Variants in NRCAM observed in about 807,000 individuals in gnomAD.
NRCAM encodes the protein NgCAM-related cell adhesion molecule.
NRCAM carries 83 observed loss-of-function variants against 156.5 expected under a neutral mutation model. That is an observed-to-expected ratio of 0.53 (90% confidence interval 0.44 to 0.64). NRCAM has a LOEUF of 0.64. NRCAM is among the 30% of genes least tolerant of loss of function. The pLI is 0.00. For missense variants in NRCAM, 1,417 were observed against 1,597.3 expected (o/e 0.89, Z 1.92); for synonymous variants, 538 against 563.9 (o/e 0.95, Z 0.65).
intron 10 of NRCAM, among the ~76,000 whole-genome samples, chr7:108,224,242 G>A (rs1279433678): frequency 3.3e-5 from 5 of 152,128 alleles, no homozygotes; most frequent in Non-Finnish European, 1.5e-5. Flanking sequence ...TCTTCTGGAA[G>A]ATGTTAGATT....
chr7:108,188,257 A>G (rs936611895), intron 20 of NRCAM, among the ~76,000 whole-genome samples: 1 of 152,048 alleles, frequency 6.6e-6, no homozygotes, highest in Non-Finnish European at 1.5e-5. Context: ...TCACTGGAGC[A>G]CCCCAAGGAG....
chr7:108,171,033 A>G (rs2058161633), intron 28 of NRCAM, among the ~76,000 whole-genome samples: 1 of 152,162 alleles, frequency 6.6e-6, no homozygotes, highest in Non-Finnish European at 1.5e-5. Flanking sequence ...AGATACCACA[A>G]TTTCCTAAGG....
chr7:108,180,462 A>C (rs759913930), intron 24 of NRCAM, 35 bp from the exon 25 acceptor site: 11 of 1,548,132 alleles, frequency 7.1e-6, no homozygotes, highest in African/African-American at 1.4e-5. Flanking sequence ...GGAATGCAGA[A>C]AGGAGCAAAC....
intron 1 of NRCAM, among the ~76,000 whole-genome samples, chr7:108,415,801 G>C (rs1041804029): frequency 9.2e-5 from 14 of 152,218 alleles, no homozygotes; most frequent in African/African-American, 3.4e-4. Flanking sequence ...ACAGTCACTA[G>C]AACACAGGAG....
chr7:108,255,745 C>T (rs1350588778), intron 3 of NRCAM, among the ~76,000 whole-genome samples: 6 of 151,962 alleles, frequency 3.9e-5, no homozygotes, highest in Admixed American at 1.3e-4. Flanking sequence ...GCCACGACCC[C>T]GTCTGGGATC....
chr7:108,272,571 G>GGTCTATATATATACTAGACCCACT (rs1255870418), intron 3 of NRCAM, among the ~76,000 whole-genome samples: 1 of 151,712 alleles, frequency 6.6e-6, no homozygotes, highest in African/African-American at 2.4e-5. Flanking sequence ...ACCCCACTGG[G>GGTCTATATATATACTAGACCCACT]GGTGTTATAA....
chr7:108,297,810 T>C (rs951969579), intron 3 of NRCAM, among the ~76,000 whole-genome samples: 1 of 152,244 alleles, frequency 6.6e-6, no homozygotes, highest in African/African-American at 2.4e-5. Flanking sequence ...TATGTGTGTG[T>C]ATATGCACAT....
intron 3 of NRCAM, among the ~76,000 whole-genome samples, chr7:108,275,655 T>C (rs1431155816): frequency 2.0e-5 from 3 of 152,202 alleles, no homozygotes; most frequent in Admixed American, 2.0e-4. Flanking sequence ...AGGCGGTCTC[T>C]CAATTTTGTT....
chr7:108,202,966 G>A lies in NRCAM; in HGVS notation c.1207+4562C>T, dbSNP rs550097330. Among the ~76,000 whole-genome samples the A allele has an allele frequency of 3.9e-5, 6 of 152,290 alleles. No homozygotes were observed. In the South Asian group the frequency reaches 1.2e-3, roughly 32 times the overall value. ...TGCAAGTGTTAGACTCTCCTGCAGAGATAGGAATCACAGTGGCCACAGCCT... is the reference window on the plus strand; with the variant it reads ...TGCAAGTGTTAGACTCTCCTGCAGAAATAGGAATCACAGTGGCCACAGCCT... On this transcript the variant is annotated intron_variant, in intron 13 of 32. Coordinates refer to ENST00000379028, the MANE Select transcript of NRCAM (RefSeq NM_001037132.4).
chr7:108,308,913 A>T (rs2098758230), intron 3 of NRCAM, among the ~76,000 whole-genome samples: 1 of 152,240 alleles, frequency 6.6e-6, no homozygotes, highest in Non-Finnish European at 1.5e-5. Flanking sequence ...AATAAAACTC[A>T]GAGATAAATA....
In NRCAM at chr7:108,147,744, C is replaced by A. The variant is rs1003156345; in HGVS notation, c.*2166G>T. ...ACACCATTACTTGGACATTCACACT[C>A]AATTGGGAACATAAATTACAAAAGA... On this transcript the variant is annotated 3_prime_UTR_variant, in exon 33 of 33. Transcript: ENST00000379028. 3.3e-5 allele frequency: 5 copies of A among 152,484 alleles called. No individual in the cohort carries two copies. Among genetic ancestry groups the A allele is most frequent in the Admixed American group, 6.5e-5 (1 of 15,282 alleles). 9.4% of individuals were successfully genotyped at this position (152,484 alleles called of 1,614,324 possible).
At chr7:108,190,592 T>C (rs545331115) in intron 19 of NRCAM, among the ~76,000 whole-genome samples, 2 of 152,262 alleles carry the variant, frequency 1.3e-5, no homozygotes, top group South Asian at 2.1e-4. Flanking sequence ...ATGCCAAAAA[T>C]TGATTTTTGT....
intron 1 of NRCAM, among the ~76,000 whole-genome samples, chr7:108,407,784 T>C (rs536229765): frequency 3.3e-5 from 5 of 152,340 alleles, no homozygotes; most frequent in African/African-American, 1.2e-4. Context: ...CTTGATTGTG[T>C]TGATGGTTTC....
chr7:108,355,074 A>G (rs1432009691), intron 2 of NRCAM, among the ~76,000 whole-genome samples: 2 of 152,236 alleles, frequency 1.3e-5, no homozygotes, highest in East Asian at 3.8e-4. Flanking sequence ...CCTTGATAAG[A>G]ATTGAAGCCT....
intron 1 of NRCAM, among the ~76,000 whole-genome samples, chr7:108,403,095 T>C (rs1596569198): frequency 6.6e-6 from 1 of 152,186 alleles, no homozygotes; most frequent in South Asian, 2.1e-4. Context: ...TGGCCCAGAG[T>C]GCCCAAATTC....
In NRCAM at chr7:108,172,218, G is replaced by T. The variant is rs189999148; in HGVS notation, c.3187+3104C>A. Among the ~76,000 whole-genome samples, 735 of 152,216 alleles carry T rather than the reference G, an allele frequency of 4.8e-3. 6 individuals are homozygous for T. Among genetic ancestry groups the T allele is most frequent in the Middle Eastern group, 0.02 (6 of 294 alleles). ...ATCTTTTTGAGCCTGCACATTTTTG[G>T]TTCATTTCTATACATGCCTTCACAG... On this transcript the variant is annotated intron_variant, in intron 28 of 32. Coordinates refer to ENST00000379028, the MANE Select transcript of NRCAM (RefSeq NM_001037132.4).
At chr7:108,373,697 T>A (rs951011527) in intron 2 of NRCAM, among the ~76,000 whole-genome samples, 1 of 152,134 alleles carries the variant, frequency 6.6e-6, no homozygotes, top group African/African-American at 2.4e-5. Flanking sequence ...CCCCAGATAA[T>A]AACATGAGGG....
intron 2 of NRCAM, among the ~76,000 whole-genome samples, chr7:108,348,336 T>G (rs1055608073): frequency 9.9e-5 from 15 of 152,106 alleles, no homozygotes; most frequent in African/African-American, 3.4e-4. Flanking sequence ...CAAGGTATGT[T>G]CAGAGCTTGA....
At chr7:108,230,645 C>G (rs1289662543) in intron 8 of NRCAM, among the ~76,000 whole-genome samples, 1 of 152,080 alleles carries the variant, frequency 6.6e-6, no homozygotes, top group Non-Finnish European at 1.5e-5. Flanking sequence ...TAGGGGCTAG[C>G]ACTAGTTTTC....
Sources: allele counts gnomAD v4.1 joint callset (sites outside exome capture counted in the v4.1 genomes callset), GRCh38; gene constraint gnomAD v4.1.1; transcripts MANE v1.5; gene names NCBI Gene and HGNC (gene_info 2026-07-23, HGNC 2026-07-21).